Variants in CAPN1 observed in about 807,000 individuals in gnomAD.
The protein encoded by CAPN1 is calpain-1 catalytic subunit.
Under a neutral mutation model 105.2 loss-of-function variants are expected in CAPN1, and 77 were observed. That is an observed-to-expected ratio of 0.73 (90% CI 0.61 to 0.88). CAPN1 has a LOEUF of 0.88. CAPN1 is among the 40% of genes least tolerant of loss of function. CAPN1 has a pLI of 0.00. For missense variants in CAPN1, 833 were observed against 976.6 expected (o/e 0.85, Z 1.96); for synonymous variants, 355 against 388.8 (o/e 0.91, Z 1.02).
chr11:65,201,508 T>C (rs1487240964), intron 10 of CAPN1, among the ~76,000 whole-genome samples: 1 of 152,094 alleles, frequency 6.6e-6, no homozygotes, highest in Non-Finnish European at 1.5e-5. Context: ...GGAGGTTTAA[T>C]TTTCTTTCTT....
intron 11 of CAPN1, 83 bp downstream of exon 11, chr11:65,204,941 A>C (rs1590864021): frequency 8.4e-7 from 1 of 1,193,394 alleles, no homozygotes. Flanking sequence ...GCGGGCTTCC[A>C]CCAGGGGGCG....
At position 65,200,976 on chromosome 11, in the gene CAPN1, G is replaced by A. The variant is rs1439937052; in HGVS notation, c.1166-3707G>A. 2.7e-5 allele frequency among the ~76,000 whole-genome samples: 3 copies of A among 109,202 alleles called. No individual in the cohort carries two copies. In the East Asian group the frequency reaches 8.5e-4, roughly 31 times the overall value. The allele number at this position is 109,202 out of a possible 152,430, so 71.6% of individuals were successfully genotyped here. A position where few individuals can be genotyped will look rare whatever the true frequency, so the allele number is the denominator to read the frequency against. ...TTTTTTTTTTTTGAGACGGAGTCTGGCTCTGTCACCCAGGCTGGAGTGCAG... is the reference window on the plus strand; with the variant it reads ...TTTTTTTTTTTTGAGACGGAGTCTGACTCTGTCACCCAGGCTGGAGTGCAG... On this transcript the variant is annotated intron_variant, in intron 10 of 21. Transcript: ENST00000279247.
At position 65,210,120 on chromosome 11, in the gene CAPN1, C is replaced by T; in HGVS notation, c.1942+24C>T. The T allele has an allele frequency of 6.3e-7, 1 of 1,594,894 alleles. No homozygotes were observed. Among genetic ancestry groups the T allele is most frequent in the East Asian group, 2.2e-5 (1 of 44,792 alleles). On this transcript the variant is annotated intron_variant, in intron 19 of 21. Coordinates refer to ENST00000279247, the MANE Select transcript of CAPN1 (RefSeq NM_005186.4). This position sits in a 1 kb window ranked among gnomAD's most constrained non-coding sequence, Gnocchi z 4.3. ...AGGTGAGACTCCAAGGCTGACGGCA[C>T]CTGTGGGGCCCAGGACAGGTAGCCC...
chr11:65,184,179 C>T (rs1269695530), intron 4 of CAPN1, among the ~76,000 whole-genome samples: 1 of 152,160 alleles, frequency 6.6e-6, no homozygotes, highest in Non-Finnish European at 1.5e-5. Context: ...GAGGCCCCAG[C>T]CCTGCCCGAA....
chr11:65,194,164 G>T (rs1948759955), intron 10 of CAPN1, among the ~76,000 whole-genome samples: 1 of 151,036 alleles, frequency 6.6e-6, no homozygotes, highest in Non-Finnish European at 1.5e-5. Context: ...TACCAGGTTT[G>T]ACCATGTTGG....
intron 3 of CAPN1, 49 bp downstream of exon 3, chr11:65,183,246 C>T: frequency 6.5e-7 from 1 of 1,533,694 alleles, no homozygotes; most frequent in Non-Finnish European, 9.0e-7. Context: ...ACAGTAGTTC[C>T]CCATTCCCGC....
intron 4 of CAPN1, among the ~76,000 whole-genome samples, chr11:65,185,593 A>C (rs1590848925): frequency 6.6e-6 from 1 of 151,680 alleles, no homozygotes; most frequent in Admixed American, 6.6e-5. Context: ...ATGTTGAAGA[A>C]GTATATTTCA....
chr11:65,209,883 T>C lies in CAPN1; in HGVS notation c.1829T>C (p.Phe610Ser). 1 of 1,613,714 alleles carries C rather than the reference T, an allele frequency of 6.2e-7. No homozygotes were observed. Residue 610 changes from phenylalanine to serine, a missense_variant, in exon 18 of 22, where the codon TTC (phenylalanine) becomes TCC (serine). Coordinates refer to ENST00000279247, the MANE Select transcript of CAPN1 (RefSeq NM_005186.4). The surrounding 1 kb of genome is among the most constrained non-coding windows in gnomAD (Gnocchi z 4.1). ...AATGGGAAGCTGGGCCTGGTGGAGT[T>C]CAACATCCTGTGGAACCGCATCCGG... is the stretch of plus-strand genomic sequence containing the variant. ...DGNGKLGLVE[F>S]NILWNRIRNY...
In CAPN1 at chr11:65,208,333, C is replaced by T; in HGVS notation, c.1729+71C>T. ...ATCAGAATCCAGGCTCCTGCTCACACATTGAGCTGAACCTCATCCCTTGGT... is the reference window on the plus strand; with the variant it reads ...ATCAGAATCCAGGCTCCTGCTCACATATTGAGCTGAACCTCATCCCTTGGT... On this transcript the variant is annotated intron_variant, in intron 16 of 21. Coordinates refer to ENST00000279247, the MANE Select transcript of CAPN1 (RefSeq NM_005186.4). The surrounding 1 kb of genome is among the most constrained non-coding windows in gnomAD (Gnocchi z 4.1). 7.2e-7 allele frequency: 1 copy of T among 1,380,710 alleles called. No individual in the cohort carries two copies. Among genetic ancestry groups the T allele is most frequent in the Non-Finnish European group, 1.0e-6 (1 of 991,996 alleles). 85.5% of individuals were successfully genotyped at this position (1,380,710 alleles called of 1,614,324 possible). A position where few individuals can be genotyped will look rare whatever the true frequency, so the allele number is the denominator to read the frequency against.
chr11:65,206,253 C>T (rs1948955273), intron 12 of CAPN1: 2 of 597,494 alleles, frequency 3.3e-6, no homozygotes, highest in Non-Finnish European at 3.0e-6. Context: ...CTCTCCTCTA[C>T]CCTCTGCAGT....
Position 65,188,887 on chromosome 11 carries a change from A to C in CAPN1, c.1165+141A>C. 1.4e-6 allele frequency: 1 copy of C among 736,268 alleles called. No homozygotes were observed. Among genetic ancestry groups the C allele is most frequent in the Non-Finnish European group, 2.2e-6 (1 of 459,244 alleles). 45.6% of individuals were successfully genotyped at this position (736,268 alleles called of 1,614,324 possible). On this transcript the variant is annotated intron_variant, in intron 10 of 21. Transcript: ENST00000279247. This position sits in a 1 kb window ranked among gnomAD's most constrained non-coding sequence, Gnocchi z 5.5. ...TTTGCTTTGAGGAGTAAAATATTAAATGTCCTAGTAAATTTTAAAGAGGCA... is the reference window on the plus strand; with the variant it reads ...TTTGCTTTGAGGAGTAAAATATTAACTGTCCTAGTAAATTTTAAAGAGGCA...
chr11:65,183,429 G>A lies in CAPN1; in HGVS notation c.338-45G>A, dbSNP rs182125926. The A allele has an allele frequency of 4.6e-4, 667 of 1,456,458 alleles. 1 individual carries two copies. In the African/African-American group the frequency reaches 7.2e-3, roughly 16 times the overall value. 90.2% of individuals were successfully genotyped at this position (1,456,458 alleles called of 1,614,324 possible). On this transcript the variant is annotated intron_variant, in intron 3 of 21. Coordinates refer to ENST00000279247, the MANE Select transcript of CAPN1 (RefSeq NM_005186.4). ...TCCCTAGCACCCGCTTCCCCCCCCG[G>A]GGCAGGTTGGTAGAGCAGGCTAATG...
At position 65,211,465 on chromosome 11, in the gene CAPN1, C is replaced by T. The variant is rs986572076; in HGVS notation, c.*179C>T. The T allele has an allele frequency of 1.5e-6, 1 of 650,260 alleles. No individual in the cohort carries two copies. The highest frequency in any genetic ancestry group is 2.8e-6 in the Non-Finnish European group (1 of 360,712). The allele number at this position is 650,260 out of a possible 1,614,324, so 40.3% of individuals were successfully genotyped here. A position where few individuals can be genotyped will look rare whatever the true frequency, so the allele number is the denominator to read the frequency against. On this transcript the variant is annotated 3_prime_UTR_variant, in exon 22 of 22. Transcript: ENST00000279247. ...CATCGTTCATCTGCTCCGGGCAGAACTGTGTGGCCCCTGCCTGTGCCAGCC... is the reference window on the plus strand; with the variant it reads ...CATCGTTCATCTGCTCCGGGCAGAATTGTGTGGCCCCTGCCTGTGCCAGCC...
At chr11:65,181,589 G>T, upstream of CAPN1, 1 of 415,026 alleles carries the variant, frequency 2.4e-6, no homozygotes, top group Non-Finnish European at 4.8e-6. This position sits in a 1 kb window ranked among gnomAD's most constrained non-coding sequence, Gnocchi z 4.6. Context: ...CCTGCAACTC[G>T]AGCTGCTGCC....
chr11:65,202,645 G>A lies in CAPN1; in HGVS notation c.1166-2038G>A, dbSNP rs191630178. Among the ~76,000 whole-genome samples the A allele has an allele frequency of 1.4e-3, 218 of 152,034 alleles. 2 individuals carry two copies. The Middle Eastern group carries it at 0.024, about 17-fold the overall frequency. ...TTTAGTACAGACGGGGTTTCACCACGTTGGCCAGGCTGGTCTCAAACTCCT... is the reference window on the plus strand; with the variant it reads ...TTTAGTACAGACGGGGTTTCACCACATTGGCCAGGCTGGTCTCAAACTCCT... On this transcript the variant is annotated intron_variant, in intron 10 of 21. Transcript: ENST00000279247.
upstream of CAPN1, chr11:65,181,419 G>C (rs1026634610): frequency 4.2e-6 from 1 of 236,550 alleles, no homozygotes; most frequent in Non-Finnish European, 8.7e-6. This position sits in a 1 kb window ranked among gnomAD's most constrained non-coding sequence, Gnocchi z 4.6. Context: ...AGGTAATCTC[G>C]GCCCCGCGCC....
intron 10 of CAPN1, among the ~76,000 whole-genome samples, chr11:65,198,463 C>G (rs1467422102): frequency 1.3e-5 from 2 of 152,070 alleles, no homozygotes; most frequent in South Asian, 2.1e-4. Flanking sequence ...ATGACTTTAC[C>G]CTCCTCGTGA....
At chr11:65,197,937 A>G (rs972277477) in intron 10 of CAPN1, among the ~76,000 whole-genome samples, 16 of 148,434 alleles carry the variant, frequency 1.1e-4, no homozygotes, top group African/African-American at 3.7e-4. Context: ...TCCTTTGACT[A>G]GAGAGTTTAG....
chr11:65,189,305 G>A lies in CAPN1; in HGVS notation c.1165+559G>A, dbSNP rs184991655. 2.6e-5 allele frequency among the ~76,000 whole-genome samples: 4 copies of A among 152,298 alleles called. No homozygotes were observed. In the East Asian group the frequency reaches 5.8e-4, roughly 22 times the overall value. On this transcript the variant is annotated intron_variant, in intron 10 of 21. Transcript: ENST00000279247. ...CAAAGTGCTGGGATTACAGGCGTGCGCCACTGTGCCAGGTCCCTTCTTGCC... is the reference window on the plus strand; with the variant it reads ...CAAAGTGCTGGGATTACAGGCGTGCACCACTGTGCCAGGTCCCTTCTTGCC...
Sources: gnomAD v4.1 joint callset for allele counts (sites outside exome capture counted in the v4.1 genomes callset) on GRCh38, gnomAD v4.1.1 for gene constraint, Gnocchi (gnomAD v3.1) non-coding constraint, MANE v1.5 for transcripts, NCBI Gene and HGNC (gene_info 2026-07-23, HGNC 2026-07-21) for gene names.